TANK: variants seen among roughly 807,000 people sequenced by gnomAD.
TANK encodes the protein TRAF family member associated NFKB activator.
In TANK, 15 loss-of-function variants were observed where a neutral mutation model predicts 43.6. That is an observed-to-expected ratio of 0.34 (90% confidence interval 0.23 to 0.53). The LOEUF (loss-of-function observed/expected upper bound fraction) is 0.53. Among genes scored for constraint, TANK ranks in the 20% least tolerant of loss-of-function variants. TANK has a pLI of 0.94. For synonymous variants in TANK, 162 were observed against 178.2 expected (o/e 0.91, Z 0.73); for missense variants, 417 against 498.6 (o/e 0.84, Z 1.56).
At chr2:161,146,874 G>T (rs1382875855) in intron 1 of TANK, among the ~76,000 whole-genome samples, 3 of 151,992 alleles carry the variant, frequency 2.0e-5, no homozygotes, top group Admixed American at 6.5e-5. Context: ...TGCTTTGCTG[G>T]GGGGAACCCA....
At chr2:161,151,305 T>C (rs1048545468) in intron 1 of TANK, among the ~76,000 whole-genome samples, 4 of 152,176 alleles carry the variant, frequency 2.6e-5, no homozygotes, top group Admixed American at 2.6e-4. Flanking sequence ...TATACTATTT[T>C]TCAAGTTGTC....
chr2:161,202,772 G>A, intron 2 of TANK: 1 of 415,264 alleles, frequency 2.4e-6, no homozygotes, highest in South Asian at 1.8e-5. Flanking sequence ...TGGTAATTGT[G>A]ATACAACAGT....
intron 2 of TANK, among the ~76,000 whole-genome samples, chr2:161,186,028 G>A (rs572186873): frequency 3.9e-5 from 6 of 152,068 alleles, no homozygotes; most frequent in Non-Finnish European, 7.4e-5. Flanking sequence ...AAATTAGCTG[G>A]ACATGGTGGT....
chr2:161,137,254 T>G, intron 1 of TANK: 1 of 985,144 alleles, frequency 1.0e-6, no homozygotes, highest in African/African-American at 1.7e-5. Flanking sequence ...CTGGACGTGG[T>G]GGGTCATGCC....
intron 7 of TANK, among the ~76,000 whole-genome samples, chr2:161,231,788 T>C (rs1456639896): frequency 6.6e-6 from 1 of 152,238 alleles, no homozygotes; most frequent in Non-Finnish European, 1.5e-5. Flanking sequence ...AAAATACATG[T>C]TAAGCCTTAT....
intron 1 of TANK, among the ~76,000 whole-genome samples, chr2:161,147,871 A>G (rs1167778372): frequency 6.6e-6 from 1 of 152,186 alleles, no homozygotes; most frequent in Non-Finnish European, 1.5e-5. Flanking sequence ...GTGGCTGAAT[A>G]ATATTCTATT....
chr2:161,205,282 G>T (rs1255548363), intron 4 of TANK, among the ~76,000 whole-genome samples: 2 of 152,090 alleles, frequency 1.3e-5, no homozygotes. Context: ...TCATGACACT[G>T]CATTCCAGTT....
chr2:161,211,400 C>T (rs1208513472), intron 4 of TANK, among the ~76,000 whole-genome samples: 1 of 152,140 alleles, frequency 6.6e-6, no homozygotes, highest in Non-Finnish European at 1.5e-5. Flanking sequence ...TGTTGCAAGT[C>T]CCTTAATCCA....
chr2:161,168,719 G>T (rs1382190128), intron 1 of TANK, among the ~76,000 whole-genome samples: 4 of 152,144 alleles, frequency 2.6e-5, no homozygotes, highest in African/African-American at 9.7e-5. Flanking sequence ...TGTAATCCCA[G>T]CTACTGGGGA....
intron 1 of TANK, among the ~76,000 whole-genome samples, chr2:161,167,496 G>T (rs553597961): frequency 6.6e-6 from 1 of 152,310 alleles, no homozygotes; most frequent in South Asian, 2.1e-4. Flanking sequence ...AAGAAATGGA[G>T]GCAAAATTAA....
At chr2:161,218,166 C>T (rs992081113) in intron 4 of TANK, among the ~76,000 whole-genome samples, 5 of 151,274 alleles carry the variant, frequency 3.3e-5, no homozygotes, top group Non-Finnish European at 7.4e-5. Flanking sequence ...GAGAACGCAG[C>T]AAAAAAAAGG....
At chr2:161,161,093 C>T in intron 1 of TANK, 2 of 977,810 alleles carry the variant, frequency 2.0e-6, no homozygotes, top group South Asian at 1.8e-5. Context: ...ACAGTGGGAA[C>T]CCAGGCGTTA....
At chr2:161,186,372 G>T (rs1333677150) in intron 2 of TANK, among the ~76,000 whole-genome samples, 4 of 152,018 alleles carry the variant, frequency 2.6e-5, no homozygotes, top group Non-Finnish European at 5.9e-5. Context: ...TATCCCATTT[G>T]GTTGGAGTGG....
upstream of TANK, among the ~76,000 whole-genome samples, chr2:161,156,543 A>G (rs1270855661): frequency 6.6e-6 from 1 of 152,250 alleles, no homozygotes; most frequent in Non-Finnish European, 1.5e-5. Flanking sequence ...TCTTTCAGAC[A>G]GCATAATCTT....
At chr2:161,211,723 C>G in intron 4 of TANK, 1 of 978,240 alleles carries the variant, frequency 1.0e-6, no homozygotes, top group Non-Finnish European at 1.2e-6. Flanking sequence ...TCTTTTCTAT[C>G]TTTTATCATA....
intron 7 of TANK, 46 bp from the exon 8 acceptor site, chr2:161,235,296 T>C (rs1356786865): frequency 2.0e-6 from 3 of 1,519,742 alleles, no homozygotes; most frequent in South Asian, 2.5e-5. Flanking sequence ...CCAGTGCTAT[T>C]TGAATTTAAA....
chr2:161,224,738 C>T lies in TANK; in HGVS notation c.512C>T (p.Thr171Ile). 1 of 1,506,538 alleles carries T rather than the reference C, an allele frequency of 6.6e-7. No homozygotes were observed. The highest frequency in any genetic ancestry group is 1.4e-5 in the African/African-American group (1 of 71,212). 93.3% of individuals were successfully genotyped at this position (1,506,538 alleles called of 1,614,324 possible). A position where few individuals can be genotyped will look rare whatever the true frequency, so the allele number is the denominator to read the frequency against. The change falls in exon 6 of 8, where the codon ACT becomes ATT. Residue 171 changes from threonine (T) to isoleucine (I), a missense_variant. Coordinates refer to ENST00000392749, the MANE Select transcript of TANK (RefSeq NM_001199135.3). ...DHLSKLNIPD[T>I]ATETQCSVPI... ...TTAAGCAAACTTAATATACCAGACA[C>T]TGCAACTGGTAAGATTTAATTTAAT...
At chr2:161,193,806 A>T (rs1686024404) in intron 2 of TANK, among the ~76,000 whole-genome samples, 1 of 152,216 alleles carries the variant, frequency 6.6e-6, no homozygotes, top group African/African-American at 2.4e-5. Flanking sequence ...GCCAGAACTT[A>T]GTCACATGAT....
chr2:161,224,360 G>A (rs1687501183), intron 5 of TANK, among the ~76,000 whole-genome samples: 1 of 151,970 alleles, frequency 6.6e-6, no homozygotes, highest in Non-Finnish European at 1.5e-5. Flanking sequence ...GTGAGAATAA[G>A]ACAGCCAACA....
Sources: allele counts gnomAD v4.1 joint callset (sites outside exome capture counted in the v4.1 genomes callset), GRCh38; gene constraint gnomAD v4.1.1; transcripts MANE v1.5; gene names NCBI Gene and HGNC (gene_info 2026-07-23, HGNC 2026-07-21).